The following CAB39 variants were observed in gnomAD, a reference collection of about 807,000 sequenced individuals.
The protein encoded by CAB39 is calcium binding protein 39.
A neutral mutation model predicts 40.0 loss-of-function variants in CAB39; 8 were observed. The observed-to-expected ratio is 0.20, with a 90% CI of 0.12 to 0.36. CAB39 has a LOEUF of 0.36. Among genes scored for constraint, CAB39 ranks in the 10% least tolerant of loss-of-function variants. CAB39 has a pLI of 1.00. For missense variants in CAB39, 270 were observed against 401.1 expected, an observed-to-expected ratio of 0.67 and a Z score of 2.79; for synonymous variants, 156 against 141.6, an observed-to-expected ratio of 1.10 and a Z score of -0.72.
At chr2:230,768,834 G>A (rs879607182) in intron 2 of CAB39, among the ~76,000 whole-genome samples, 8 of 152,130 alleles carry the variant, frequency 5.3e-5, no homozygotes, top group Non-Finnish European at 8.8e-5. Flanking sequence ...AGGCAGAAAA[G>A]GGATGAAGGG....
intron 5 of CAB39, 95 bp downstream of exon 5, chr2:230,798,992 C>T: frequency 2.3e-6 from 2 of 874,862 alleles, no homozygotes; most frequent in Non-Finnish European, 3.4e-6. Flanking sequence ...CACGTGGCTG[C>T]CCTCTAGTGG....
chr2:230,743,236 C>T (rs1232198411), intron 1 of CAB39, among the ~76,000 whole-genome samples: 1 of 152,144 alleles, frequency 6.6e-6, no homozygotes, highest in African/African-American at 2.4e-5. Context: ...ATGACTTCCA[C>T]AGACAACTAG....
intron 6 of CAB39, 58 bp downstream of exon 6, chr2:230,810,380 G>A (rs1005273980): frequency 3.1e-6 from 2 of 651,938 alleles, no homozygotes; most frequent in Non-Finnish European, 5.2e-6. Context: ...TACCAGAAAT[G>A]AAAGACTTAC....
chr2:230,737,733 G>A (rs1694810749), intron 1 of CAB39, among the ~76,000 whole-genome samples: 1 of 152,112 alleles, frequency 6.6e-6, no homozygotes, highest in South Asian at 2.1e-4. Flanking sequence ...CTTCCTGAAT[G>A]GTTTTAGGCC....
intron 2 of CAB39, among the ~76,000 whole-genome samples, chr2:230,763,489 A>T (rs1293724435): frequency 2.0e-5 from 3 of 152,026 alleles, no homozygotes; most frequent in Non-Finnish European, 4.4e-5. Flanking sequence ...CTACTCAAAG[A>T]GACTGAGGCA....
At chr2:230,761,435 GA>G (rs1393048674) in intron 2 of CAB39, among the ~76,000 whole-genome samples, 1 of 151,736 alleles carries the variant, frequency 6.6e-6, no homozygotes, top group Non-Finnish European at 1.5e-5. Context: ...GATGGTACTG[GA>G]ACTAAGGTGG....
intron 4 of CAB39, among the ~76,000 whole-genome samples, chr2:230,794,341 A>G (rs1336607118): frequency 2.0e-5 from 3 of 152,064 alleles, no homozygotes; most frequent in Non-Finnish European, 4.4e-5. Context: ...TTTGGCATCT[A>G]ATTTTGTGTT....
Position 230,814,416 on chromosome 2 carries a change from A to G in CAB39, c.693+302A>G, listed in dbSNP as rs114742887. Among the ~76,000 whole-genome samples the G allele has an allele frequency of 4.1e-3, 630 of 152,142 alleles. 1 individual carries two copies. The highest frequency in any genetic ancestry group is 0.014 in the African/African-American group (580 of 41,490). On this transcript the variant is annotated intron_variant, in intron 7 of 8. Transcript: ENST00000258418. ...ATAGTCATATCAGCTAGATGAAGGC[A>G]CTCCAGGTGCTGTGCTCCTGGGCTG...
intron 1 of CAB39, among the ~76,000 whole-genome samples, chr2:230,742,556 T>G (rs1694899861): frequency 7.3e-6 from 1 of 136,892 alleles, no homozygotes; most frequent in African/African-American, 2.8e-5. Flanking sequence ...AGAACATATT[T>G]GCAAAAAAAA....
At chr2:230,784,543 C>CTCAAA (rs1368567296) in intron 2 of CAB39, among the ~76,000 whole-genome samples, 3 of 152,046 alleles carry the variant, frequency 2.0e-5, no homozygotes, top group Non-Finnish European at 2.9e-5. Flanking sequence ...ATGGCCTAGC[C>CTCAAA]AAGGTGAATG....
At chr2:230,807,233 C>T (rs1200031020) in intron 5 of CAB39, among the ~76,000 whole-genome samples, 1 of 152,014 alleles carries the variant, frequency 6.6e-6, no homozygotes, top group African/African-American at 2.4e-5. Context: ...CCCACACTCA[C>T]CCCAGTTTGA....
intron 1 of CAB39, 27 bp downstream of exon 1, chr2:230,713,257 C>A (rs901074738): frequency 6.6e-6 from 1 of 152,200 alleles, no homozygotes; most frequent in African/African-American, 2.4e-5. Flanking sequence ...CGGCCCTGCT[C>A]GTGGTGCGGA....
chr2:230,720,815 A>G (rs1322416404), intron 1 of CAB39, among the ~76,000 whole-genome samples: 2 of 152,228 alleles, frequency 1.3e-5, no homozygotes, highest in African/African-American at 4.8e-5. Flanking sequence ...GCATATCATC[A>G]GCCAGCCAGT....
intron 1 of CAB39, chr2:230,752,029 A>AACCC (rs1695094478): frequency 6.5e-5 from 2 of 30,746 alleles, no homozygotes; most frequent in Non-Finnish European, 1.3e-4. Flanking sequence ...TATTCTGACC[A>AACCC]CCCCCCCCCC....
At chr2:230,725,317 G>C in intron 1 of CAB39, 1 of 1,573,916 alleles carries the variant, frequency 6.4e-7, no homozygotes, top group Non-Finnish European at 8.7e-7. Flanking sequence ...TCTTGCCCAG[G>C]ACTTCACCAA....
intron 1 of CAB39, among the ~76,000 whole-genome samples, chr2:230,748,130 T>C (rs1160764171): frequency 1.3e-5 from 2 of 152,058 alleles, no homozygotes; most frequent in African/African-American, 4.8e-5. Context: ...TCCTTTTTCT[T>C]ATGTTGTTTG....
Position 230,763,568 on chromosome 2 carries a change from G to A in CAB39, c.114+3453G>A, listed in dbSNP as rs199651405. 1.4e-4 allele frequency among the ~76,000 whole-genome samples: 21 copies of A among 152,098 alleles called. 1 individual carries two copies. In the East Asian group the frequency reaches 4.1e-3, roughly 29 times the overall value. On this transcript the variant is annotated intron_variant, in intron 2 of 8. Coordinates refer to ENST00000258418, the MANE Select transcript of CAB39 (RefSeq NM_016289.4). ...AGATGGTGCCACTGCACTCCAGCCT[G>A]GGTGACAAGCGAGATTCTGTCTCAA...
intron 4 of CAB39, among the ~76,000 whole-genome samples, chr2:230,796,602 C>CG (rs1379002862): frequency 6.6e-6 from 1 of 151,934 alleles, no homozygotes; most frequent in Non-Finnish European, 1.5e-5. Flanking sequence ...AAGTAAGAGC[C>CG]GGTCAGCATT....
chr2:230,717,511 C>T (rs796416680), intron 1 of CAB39, among the ~76,000 whole-genome samples: 9 of 152,308 alleles, frequency 5.9e-5, no homozygotes, highest in African/African-American at 2.2e-4. Flanking sequence ...CTCCCCTCAT[C>T]TCTACAGTCC....
Sources: gnomAD v4.1 joint callset for allele counts (sites outside exome capture counted in the v4.1 genomes callset) on GRCh38, gnomAD v4.1.1 for gene constraint, MANE v1.5 for transcripts, NCBI Gene and HGNC (gene_info 2026-07-23, HGNC 2026-07-21) for gene names.